Variants in UNC13C observed in about 807,000 individuals in gnomAD.
The protein encoded by UNC13C is unc-13 homolog C.
A neutral mutation model predicts 245.4 loss-of-function variants in UNC13C; 174 were observed. The ratio of observed to expected loss-of-function variants is 0.71; its 90% CI spans 0.63 to 0.80. The LOEUF is 0.80. UNC13C is among the 30% of genes least tolerant of loss of function. The pLI is 0.00. For synonymous variants in UNC13C, 992 were observed against 895.1 expected (o/e 1.11, Z -1.93); for missense variants, 2,829 against 2,602.9 (o/e 1.09, Z -1.89).
intron 27 of UNC13C, 132 bp from the exon 28 acceptor site, chr15:54,549,503 A>G: frequency 1.5e-6 from 1 of 680,420 alleles, no homozygotes; most frequent in Middle Eastern, 4.0e-4. Context: ...TAATAGACCA[A>G]TTAAGGGCAT....
Position 54,625,148 on chromosome 15 carries a change from G to A in UNC13C, c.6359+1194G>A, listed in dbSNP as rs532995745. 9.2e-5 allele frequency among the ~76,000 whole-genome samples: 14 copies of A among 152,070 alleles called. No individual in the cohort carries two copies. The South Asian group carries it at 2.7e-3, about 29-fold the overall frequency. On this transcript the variant is annotated intron_variant, in intron 32 of 32. Transcript: ENST00000260323. ...AAAGCAGCAGTGACATTCCATGAAG[G>A]GCAACAGCCTACTGGAGGCAGCCCC...
chr15:54,107,522 C>T (rs1307899223), intron 2 of UNC13C, among the ~76,000 whole-genome samples: 3 of 152,076 alleles, frequency 2.0e-5, no homozygotes, highest in Non-Finnish European at 4.4e-5. Context: ...TTTCAAGGAG[C>T]TTGCAGTCTA....
At chr15:53,992,690 A>G (rs989001733) in intron 1 of UNC13C, among the ~76,000 whole-genome samples, 2 of 152,116 alleles carry the variant, frequency 1.3e-5, no homozygotes, top group Non-Finnish European at 2.9e-5. Flanking sequence ...TATAACTCTT[A>G]TGATTAATTC....
chr15:54,330,852 A>G (rs772537834), intron 14 of UNC13C, among the ~76,000 whole-genome samples: 10 of 152,056 alleles, frequency 6.6e-5, no homozygotes, highest in Non-Finnish European at 1.2e-4. Flanking sequence ...AACCTGCCTA[A>G]GAAGATTGCA....
At chr15:54,609,068 C>T (rs571571719) in intron 30 of UNC13C, among the ~76,000 whole-genome samples, 86 of 152,312 alleles carry the variant, frequency 5.6e-4, no homozygotes, top group Admixed American at 1.5e-3. Flanking sequence ...GCCAAATGTT[C>T]TGAACCCTGG....
intron 4 of UNC13C, among the ~76,000 whole-genome samples, chr15:54,202,877 G>A (rs1213276390): frequency 6.6e-6 from 1 of 151,958 alleles, no homozygotes; most frequent in East Asian, 1.9e-4. Flanking sequence ...AGAGTTAACA[G>A]ACCATCAACA....
chr15:53,919,717 TACTC>T, the UNC13C span, among the ~76,000 whole-genome samples: 1 of 152,216 alleles, frequency 6.6e-6, no homozygotes, highest in African/African-American at 2.4e-5. Flanking sequence ...AGTCTGTTGG[TACTC>T]ACAGTCTTCA....
the UNC13C span, among the ~76,000 whole-genome samples, chr15:53,887,042 T>G: frequency 6.6e-6 from 1 of 152,174 alleles, no homozygotes; most frequent in Non-Finnish European, 1.5e-5. Flanking sequence ...TATGGAATCC[T>G]GGAACAGAAA....
intron 19 of UNC13C, among the ~76,000 whole-genome samples, chr15:54,434,259 A>G (rs1325356494): frequency 6.6e-6 from 1 of 151,890 alleles, no homozygotes; most frequent in South Asian, 2.1e-4. Context: ...AACAACAACA[A>G]AAAAAAGCCC....
At chr15:54,096,279 T>A (rs1163864458) in intron 2 of UNC13C, among the ~76,000 whole-genome samples, 4 of 151,972 alleles carry the variant, frequency 2.6e-5, no homozygotes, top group African/African-American at 9.7e-5. Context: ...TGGTTTGTGC[T>A]AGGTCAGGGA....
intron 2 of UNC13C, chr15:54,050,895 A>G (rs182658938): frequency 1.6e-5 from 9 of 552,556 alleles, no homozygotes; most frequent in African/African-American, 1.1e-4. Context: ...CTTCCAGCAA[A>G]AATTTAAAAT....
chr15:54,048,878 C>CAA (rs1204431512), intron 2 of UNC13C: 1 of 251,428 alleles, frequency 4.0e-6, no homozygotes, highest in Non-Finnish European at 8.0e-6. Context: ...ATGTTTTAGG[C>CAA]AAAGTGTCAC....
At chr15:54,000,834 C>T (rs1415003658) in intron 1 of UNC13C, among the ~76,000 whole-genome samples, 1 of 152,174 alleles carries the variant, frequency 6.6e-6, no homozygotes, top group Non-Finnish European at 1.5e-5. Flanking sequence ...GACATCTAAT[C>T]AATGTACCAA....
chr15:53,929,800 C>T, the UNC13C span, among the ~76,000 whole-genome samples: 122 of 152,294 alleles, frequency 8.0e-4, no homozygotes, highest in African/African-American at 2.7e-3. Context: ...TCAAATGTAG[C>T]TCTTCATTCT....
intron 19 of UNC13C, among the ~76,000 whole-genome samples, chr15:54,441,113 T>C (rs1890502821): frequency 6.6e-6 from 1 of 152,128 alleles, no homozygotes; most frequent in South Asian, 2.1e-4. Flanking sequence ...GCAGATTGTC[T>C]CTTTACTCTG....
At chr15:54,073,432 T>G (rs1898430015) in intron 2 of UNC13C, among the ~76,000 whole-genome samples, 2 of 152,182 alleles carry the variant, frequency 1.3e-5, no homozygotes, top group Non-Finnish European at 2.9e-5. Flanking sequence ...GTATTTCTGG[T>G]TCTAGATCCT....
At chr15:54,418,136 A>G (rs1217697948) in intron 19 of UNC13C, among the ~76,000 whole-genome samples, 1 of 152,140 alleles carries the variant, frequency 6.6e-6, no homozygotes, top group Non-Finnish European at 1.5e-5. Flanking sequence ...ACAGAATAGT[A>G]AAGCTTTAGC....
intron 1 of UNC13C, among the ~76,000 whole-genome samples, chr15:53,987,903 T>C (rs1894216500): frequency 6.6e-6 from 1 of 152,072 alleles, no homozygotes; most frequent in Non-Finnish European, 1.5e-5. Context: ...ATTTGGCATC[T>C]AGGGAGTTTC....
intron 18 of UNC13C, among the ~76,000 whole-genome samples, chr15:54,400,431 T>C (rs2040158315): frequency 2.0e-5 from 3 of 152,262 alleles, no homozygotes; most frequent in East Asian, 3.9e-4. Flanking sequence ...CTTTAGAATA[T>C]GCCACTTTCT....
Sources: gnomAD v4.1 joint callset for allele counts (sites outside exome capture counted in the v4.1 genomes callset) on GRCh38, gnomAD v4.1.1 for gene constraint, MANE v1.5 for transcripts, NCBI Gene and HGNC (gene_info 2026-07-23, HGNC 2026-07-21) for gene names.